The following SMOC2 variants were observed in gnomAD, a reference collection of about 807,000 sequenced individuals.
SMOC2 encodes the protein SPARC related modular calcium binding 2, also known as SPARC-related modular calcium-binding protein 2.
A neutral mutation model predicts 61.4 loss-of-function variants in SMOC2; 39 were observed. The observed-to-expected ratio is 0.64, with a 90% CI of 0.49 to 0.83. The LOEUF is 0.83. Among genes scored for constraint, SMOC2 ranks in the 40% least tolerant of loss-of-function variants. The probability of loss-of-function intolerance (pLI) is 0.00; values close to 1 mark genes in which losing one functional copy is unlikely to be tolerated. For synonymous variants in SMOC2, 247 were observed against 239.9 expected, an observed-to-expected ratio of 1.03 and a Z score of -0.27; for missense variants, 556 against 592.9, an observed-to-expected ratio of 0.94 and a Z score of 0.65.
chr6:168,567,139 TG>T (rs1284977742), intron 7 of SMOC2, among the ~76,000 whole-genome samples: 1 of 152,220 alleles, frequency 6.6e-6, no homozygotes, highest in Non-Finnish European at 1.5e-5. Flanking sequence ...TGTTTTGGTA[TG>T]AGTTTGTATC....
chr6:168,589,342 A>G (rs1785119737), intron 7 of SMOC2, among the ~76,000 whole-genome samples: 1 of 152,266 alleles, frequency 6.6e-6, no homozygotes, highest in African/African-American at 2.4e-5. Flanking sequence ...TTCCCAGAGC[A>G]GACTGGATGT....
intron 1 of SMOC2, among the ~76,000 whole-genome samples, chr6:168,463,085 G>T (rs548863248): frequency 2.0e-5 from 3 of 152,362 alleles, no homozygotes; most frequent in African/African-American, 7.2e-5. Flanking sequence ...TGGCTTTCGT[G>T]GAGCACTTGC....
intron 9 of SMOC2, among the ~76,000 whole-genome samples, chr6:168,627,033 GACAC>G: frequency 6.6e-6 from 1 of 152,272 alleles, no homozygotes; most frequent in Middle Eastern, 3.4e-3. Context: ...TCAGAGAAGA[GACAC>G]ACTCCAGGCC....
At chr6:168,520,168 C>T (rs1433942261) in intron 2 of SMOC2, among the ~76,000 whole-genome samples, 1 of 152,132 alleles carries the variant, frequency 6.6e-6, no homozygotes, top group Non-Finnish European at 1.5e-5. Context: ...GCACTTTCAT[C>T]TATATTAGGA....
chr6:168,467,066 G>A (rs1781851146), intron 1 of SMOC2, among the ~76,000 whole-genome samples: 1 of 151,724 alleles, frequency 6.6e-6, no homozygotes, highest in African/African-American at 2.4e-5. Flanking sequence ...GGAACTCCAC[G>A]TTTCGGGAGC....
chr6:168,557,154 C>A (rs982865877), intron 7 of SMOC2, among the ~76,000 whole-genome samples: 1 of 152,010 alleles, frequency 6.6e-6, no homozygotes, highest in Non-Finnish European at 1.5e-5. Flanking sequence ...TTTTTTATTT[C>A]TAAGTTTTTC....
At chr6:168,562,397 T>C (rs866159069) in intron 7 of SMOC2, among the ~76,000 whole-genome samples, 612 of 37,116 alleles carry the variant, frequency 0.016, 5 homozygotes, top group Middle Eastern at 0.095. Context: ...ACTGCATTCT[T>C]GGAGGAGGTG....
At chr6:168,509,004 A>G (rs1440380351) in intron 1 of SMOC2, among the ~76,000 whole-genome samples, 2 of 152,068 alleles carry the variant, frequency 1.3e-5, no homozygotes, top group Admixed American at 6.5e-5. Flanking sequence ...CTTGAGCTTC[A>G]CCTTGGTGTC....
intron 1 of SMOC2, among the ~76,000 whole-genome samples, chr6:168,449,489 G>C (rs1327053373): frequency 6.6e-6 from 1 of 152,130 alleles, no homozygotes; most frequent in African/African-American, 2.4e-5. Flanking sequence ...GGATGAAAAA[G>C]AATCAGGCCA....
intron 11 of SMOC2, among the ~76,000 whole-genome samples, chr6:168,661,338 G>T (rs1447848226): frequency 6.6e-6 from 1 of 152,112 alleles, no homozygotes; most frequent in Middle Eastern, 3.2e-3. Context: ...TCAGCCGGGC[G>T]TGGTAGCTCA....
chr6:168,584,904 C>T (rs1026214151), intron 7 of SMOC2, among the ~76,000 whole-genome samples: 2 of 152,254 alleles, frequency 1.3e-5, no homozygotes, highest in Non-Finnish European at 2.9e-5. Context: ...GAGCCATCTC[C>T]CAGTTGATGC....
chr6:168,640,376 G>A (rs1266698209), intron 9 of SMOC2, among the ~76,000 whole-genome samples: 5 of 152,046 alleles, frequency 3.3e-5, no homozygotes, highest in African/African-American at 1.2e-4. Flanking sequence ...AGGCTGCGGC[G>A]GGGGGCTGCT....
chr6:168,460,080 G>A (rs768806206), intron 1 of SMOC2, among the ~76,000 whole-genome samples: 1 of 152,114 alleles, frequency 6.6e-6, no homozygotes, highest in African/African-American at 2.4e-5. Context: ...TTGTAAACAG[G>A]ATAAAATTTG....
At chr6:168,442,730 C>T (rs1010385973) in intron 1 of SMOC2, among the ~76,000 whole-genome samples, 1 of 152,052 alleles carries the variant, frequency 6.6e-6, no homozygotes. Context: ...TCTTTTTCTT[C>T]GTCTTCTTTC....
At chr6:168,517,881 G>A (rs904565604) in intron 2 of SMOC2, among the ~76,000 whole-genome samples, 8 of 152,342 alleles carry the variant, frequency 5.3e-5, no homozygotes, top group Middle Eastern at 3.4e-3. Context: ...CCGATGCCCA[G>A]CCCAGCTCCA....
intron 9 of SMOC2, among the ~76,000 whole-genome samples, chr6:168,634,026 G>T (rs1013845640): frequency 2.0e-5 from 3 of 152,172 alleles, no homozygotes; most frequent in African/African-American, 4.8e-5. Context: ...AGAAGGACAT[G>T]TTTGCTTCCC....
At chr6:168,528,946 CA>C (rs1783519203) in intron 4 of SMOC2, among the ~76,000 whole-genome samples, 1 of 152,152 alleles carries the variant, frequency 6.6e-6, no homozygotes, top group Admixed American at 6.5e-5. Flanking sequence ...CCTTCATCCA[CA>C]AGCAGCATTT....
intron 1 of SMOC2, among the ~76,000 whole-genome samples, chr6:168,446,564 T>C (rs1447888643): frequency 3.3e-5 from 5 of 152,152 alleles, no homozygotes; most frequent in Non-Finnish European, 7.4e-5. Context: ...GTCTGTAACA[T>C]ATGTACAACA....
intron 7 of SMOC2, among the ~76,000 whole-genome samples, chr6:168,587,124 G>A (rs1269429064): frequency 6.6e-6 from 1 of 152,214 alleles, no homozygotes; most frequent in African/African-American, 2.4e-5. Flanking sequence ...TGCATTTAGG[G>A]TATAATGCTA....
Sources: allele counts gnomAD v4.1 joint callset (sites outside exome capture counted in the v4.1 genomes callset), GRCh38; gene constraint gnomAD v4.1.1; transcripts MANE v1.5; gene names NCBI Gene and HGNC (gene_info 2026-07-23, HGNC 2026-07-21).